Variants in LINGO2 observed in about 807,000 individuals in gnomAD.
LINGO2 encodes the protein leucine rich repeat and Ig domain containing 2.
LINGO2 carries 14 observed loss-of-function variants against 30.6 expected under a neutral mutation model. The ratio of observed to expected loss-of-function variants is 0.46; its 90% confidence interval spans 0.30 to 0.72. The LOEUF is 0.72. Among genes scored for constraint, LINGO2 ranks in the 30% least tolerant of loss-of-function variants. The pLI, the probability that LINGO2 is intolerant of heterozygous loss-of-function variation, is 0.07. For missense variants in LINGO2, 729 were observed against 751.7 expected (o/e 0.97, Z 0.35); for synonymous variants, 317 against 288.5 (o/e 1.10, Z -1.00).
At chr9:28,640,460 A>G (rs962922106) in intron 1 of LINGO2, among the ~76,000 whole-genome samples, 1 of 150,600 alleles carries the variant, frequency 6.6e-6, no homozygotes, top group Non-Finnish European at 1.5e-5. Flanking sequence ...AGGTACACCA[A>G]TCATATGTAG....
At position 28,130,290 on chromosome 9, in the gene LINGO2, G is replaced by C. The variant is rs555055556; in HGVS notation, c.-86-117885C>G. On this transcript the variant is annotated intron_variant, in intron 4 of 5. Coordinates refer to ENST00000379992, the Ensembl canonical transcript of LINGO2. This position sits in a 1 kb window ranked among gnomAD's most constrained non-coding sequence, Gnocchi z 5.2. ...TATTTGTTCTGCTATGACTGTATTAGTTTTGGATTCAAAAAGGTTAGCCAC... is the reference window on the plus strand; with the variant it reads ...TATTTGTTCTGCTATGACTGTATTACTTTTGGATTCAAAAAGGTTAGCCAC... Among the ~76,000 whole-genome samples, 27 of 152,270 alleles carry C rather than the reference G, an allele frequency of 1.8e-4. 2 individuals are homozygous for C. The East Asian group carries it at 5.2e-3, about 29-fold the overall frequency.
the LINGO2 span, among the ~76,000 whole-genome samples, chr9:28,725,513 C>T: frequency 6.7e-6 from 1 of 149,174 alleles, no homozygotes. Flanking sequence ...GGGAATAATC[C>T]TCAAAGATGA....
intron 5 of LINGO2, among the ~76,000 whole-genome samples, chr9:28,010,849 G>A (rs1554657641): frequency 6.6e-6 from 1 of 152,174 alleles, no homozygotes; most frequent in Non-Finnish European, 1.5e-5. Context: ...CAGCTACTGG[G>A]GAGGCCGAGG....
intron 1 of LINGO2, among the ~76,000 whole-genome samples, chr9:28,617,013 T>G (rs1489795447): frequency 6.6e-6 from 1 of 152,214 alleles, no homozygotes; most frequent in African/African-American, 2.4e-5. Flanking sequence ...TTTCCTTTCT[T>G]TATTTTATGG....
At chr9:28,238,116 C>T (rs1205590461) in intron 4 of LINGO2, among the ~76,000 whole-genome samples, 1 of 151,576 alleles carries the variant, frequency 6.6e-6, no homozygotes, top group East Asian at 1.9e-4. Context: ...AACACTGCAG[C>T]ACCCAGATAT....
At chr9:28,053,119 A>T (rs1285599279) in intron 4 of LINGO2, among the ~76,000 whole-genome samples, 5 of 151,936 alleles carry the variant, frequency 3.3e-5, no homozygotes, top group Non-Finnish European at 7.4e-5. Context: ...CATAAGGTAT[A>T]ATGAGAGTCA....
intron 2 of LINGO2, among the ~76,000 whole-genome samples, chr9:28,403,514 A>G (rs963384262): frequency 1.3e-5 from 2 of 152,176 alleles, no homozygotes; most frequent in South Asian, 4.1e-4. Flanking sequence ...GGATTCTGAC[A>G]AATGCAGTAA....
intron 2 of LINGO2, among the ~76,000 whole-genome samples, chr9:28,437,549 GCA>G (rs58406750): frequency 0.046 from 6,826 of 147,488 alleles, 262 homozygotes; most frequent in African/African-American, 0.11. Flanking sequence ...ACACACAGAC[GCA>G]CACACACACA....
chr9:28,408,774 C>CAAAAAAAAAAAAAAAAA (rs68142692), intron 2 of LINGO2, among the ~76,000 whole-genome samples: 2 of 127,562 alleles, frequency 1.6e-5, no homozygotes, highest in Non-Finnish European at 1.6e-5. Flanking sequence ...TATAAAAAAA[C>CAAAAAAAAAAAAAAAAA]AAAAAAAAAA....
the LINGO2 span, among the ~76,000 whole-genome samples, chr9:28,717,399 TC>T: frequency 6.7e-6 from 1 of 149,578 alleles, no homozygotes; most frequent in Non-Finnish European, 1.5e-5. Flanking sequence ...GTTATTAAGG[TC>T]TAGGGACAGG....
chr9:28,241,297 A>AG (rs1271739168), intron 4 of LINGO2, among the ~76,000 whole-genome samples: 2 of 46,874 alleles, frequency 4.3e-5, no homozygotes, highest in African/African-American at 2.9e-4. Flanking sequence ...AAAAAAGAAA[A>AG]AAGAAAAAAA....
chr9:29,055,154 C>T, the LINGO2 span, among the ~76,000 whole-genome samples: 2 of 151,888 alleles, frequency 1.3e-5, no homozygotes, highest in East Asian at 1.9e-4. Flanking sequence ...AGGAGGCAGA[C>T]GTTGCAGTGA....
intron 2 of LINGO2, among the ~76,000 whole-genome samples, chr9:28,377,834 C>G (rs538221318): frequency 6.6e-6 from 1 of 152,222 alleles, no homozygotes; most frequent in Non-Finnish European, 1.5e-5. Flanking sequence ...AGGATTTTAT[C>G]AGGCATGAAA....
At chr9:28,109,096 C>A (rs1158645256) in intron 4 of LINGO2, among the ~76,000 whole-genome samples, 1 of 152,150 alleles carries the variant, frequency 6.6e-6, no homozygotes, top group Non-Finnish European at 1.5e-5. Flanking sequence ...TCAACATATG[C>A]AAATCAATAA....
intron 2 of LINGO2, among the ~76,000 whole-genome samples, chr9:28,461,332 C>A (rs753618568): frequency 2.6e-5 from 4 of 152,136 alleles, no homozygotes; most frequent in Non-Finnish European, 5.9e-5. Context: ...TCTCTCCCTA[C>A]CATTCATCCC....
chr9:28,555,539 T>C (rs1017020498), intron 1 of LINGO2, among the ~76,000 whole-genome samples: 1 of 151,986 alleles, frequency 6.6e-6, no homozygotes, highest in Non-Finnish European at 1.5e-5. Flanking sequence ...CAGGACCAGA[T>C]GGATTCACAG....
the LINGO2 span, among the ~76,000 whole-genome samples, chr9:29,091,511 C>CCAACATGGGTCT: frequency 6.6e-6 from 1 of 151,992 alleles, no homozygotes; most frequent in East Asian, 1.9e-4. Flanking sequence ...TCAGCCAGCA[C>CCAACATGGGTCT]CAGTTACCAA....
At chr9:29,111,485 T>G in the LINGO2 span, among the ~76,000 whole-genome samples, 1 of 151,930 alleles carries the variant, frequency 6.6e-6, no homozygotes, top group Admixed American at 6.6e-5. Context: ...AATATATATA[T>G]CTATATAATA....
At chr9:28,481,626 A>AT (rs1825967519) in intron 1 of LINGO2, among the ~76,000 whole-genome samples, 1 of 151,412 alleles carries the variant, frequency 6.6e-6, no homozygotes. Context: ...TTATTTATTT[A>AT]TTTTTTATTA....
Sources: gnomAD v4.1 joint callset for allele counts (sites outside exome capture counted in the v4.1 genomes callset) on GRCh38, gnomAD v4.1.1 for gene constraint, Gnocchi (gnomAD v3.1) non-coding constraint, MANE v1.5 for transcripts, NCBI Gene and HGNC (gene_info 2026-07-23, HGNC 2026-07-21) for gene names.